Variants in KCNMA1 observed in about 807,000 individuals in gnomAD.
The protein encoded by KCNMA1 is Calcium-activated potassium channel subunit alpha-1.
Under a neutral mutation model 140.0 loss-of-function variants are expected in KCNMA1, and 29 were observed. The ratio of observed to expected loss-of-function variants is 0.21; its 90% confidence interval spans 0.15 to 0.28. The LOEUF (loss-of-function observed/expected upper bound fraction) is 0.28. Among genes scored for constraint, KCNMA1 ranks in the 10% least tolerant of loss-of-function variants. KCNMA1 has a pLI of 1.00. For missense variants in KCNMA1, 880 were observed against 1,602.2 expected, an observed-to-expected ratio of 0.55 and a Z score of 7.70; for synonymous variants, 612 against 611.9, an observed-to-expected ratio of 1.00 and a Z score of 0.00.
intron 2 of KCNMA1, among the ~76,000 whole-genome samples, chr10:77,323,449 T>C (rs1368931318): frequency 6.6e-6 from 1 of 152,228 alleles, no homozygotes; most frequent in Non-Finnish European, 1.5e-5. Flanking sequence ...AACTGTGCCC[T>C]TTCTATCCAT....
intron 5 of KCNMA1, among the ~76,000 whole-genome samples, chr10:77,165,399 T>G (rs2098629516): frequency 6.6e-6 from 1 of 152,220 alleles, no homozygotes; most frequent in African/African-American, 2.4e-5. Context: ...GAGAAACATA[T>G]CTATTCAGAA....
At position 77,142,770 on chromosome 10, in the gene KCNMA1, G is replaced by A. The variant is rs1300560767; in HGVS notation, c.809-21722C>T. Among the ~76,000 whole-genome samples, 6 of 152,244 alleles carry A rather than the reference G, an allele frequency of 3.9e-5. No individual in the cohort carries two copies. The East Asian group carries it at 1.2e-3, about 29-fold the overall frequency. ...CTACAGGTCCTACAAACACTAAGAG[G>A]ATAATTTTAAAGTATTAGGAATAAT... On this transcript the variant is annotated intron_variant, in intron 5 of 27. Coordinates refer to ENST00000286628, the MANE Select transcript of KCNMA1 (RefSeq NM_001161352.2).
At chr10:77,453,758 A>G (rs2097707098) in intron 1 of KCNMA1, among the ~76,000 whole-genome samples, 1 of 152,230 alleles carries the variant, frequency 6.6e-6, no homozygotes, top group Admixed American at 6.5e-5. Context: ...GACCCCCTTG[A>G]GTCTTTAGCT....
chr10:77,482,918 TCCTCCTTCCCTTTCTC>T (rs1192784936), intron 1 of KCNMA1, among the ~76,000 whole-genome samples: 1 of 150,054 alleles, frequency 6.7e-6, no homozygotes, highest in African/African-American at 2.5e-5. Context: ...TTCCCTCCTT[TCCTCCTTCCCTTTCTC>T]CCTCCTTCCC....
intron 5 of KCNMA1, among the ~76,000 whole-genome samples, chr10:77,122,975 G>A (rs922489974): frequency 2.6e-5 from 4 of 151,326 alleles, no homozygotes; most frequent in African/African-American, 4.9e-5. Flanking sequence ...TCAGGAGATC[G>A]AGACCATCCT....
chr10:76,890,847 C>T (rs147414272), intron 26 of KCNMA1, among the ~76,000 whole-genome samples: 4 of 152,246 alleles, frequency 2.6e-5, no homozygotes, highest in African/African-American at 9.6e-5. Context: ...CATGAGGGAA[C>T]GTGACTGGGT....
At chr10:77,276,608 C>A (rs1001225934) in intron 2 of KCNMA1, among the ~76,000 whole-genome samples, 2 of 152,108 alleles carry the variant, frequency 1.3e-5, no homozygotes, top group African/African-American at 2.4e-5. Flanking sequence ...GTACTCAATT[C>A]GAGATGTCTG....
At chr10:77,264,428 T>C (rs889277786) in intron 2 of KCNMA1, among the ~76,000 whole-genome samples, 1 of 152,096 alleles carries the variant, frequency 6.6e-6, no homozygotes, top group South Asian at 2.1e-4. Context: ...AGAGAAGAAA[T>C]GGAGTCTGTC....
chr10:76,942,001 T>C (rs1224400307), intron 23 of KCNMA1, among the ~76,000 whole-genome samples: 2 of 152,180 alleles, frequency 1.3e-5, no homozygotes, highest in African/African-American at 4.8e-5. Context: ...AGACAGAGTC[T>C]TGCTCTGTCA....
intron 23 of KCNMA1, among the ~76,000 whole-genome samples, chr10:76,930,780 C>T (rs1473320532): frequency 6.6e-6 from 1 of 151,788 alleles, no homozygotes; most frequent in Non-Finnish European, 1.5e-5. Context: ...TATGTACCTG[C>T]ACATATATAT....
At chr10:77,137,512 G>A (rs2098070235) in intron 5 of KCNMA1, among the ~76,000 whole-genome samples, 1 of 152,104 alleles carries the variant, frequency 6.6e-6, no homozygotes, top group Admixed American at 6.5e-5. Context: ...CTTCTTCAGG[G>A]TGGTCCCCTG....
chr10:77,411,307 A>G (rs1037727860), intron 1 of KCNMA1, among the ~76,000 whole-genome samples: 1 of 152,072 alleles, frequency 6.6e-6, no homozygotes, highest in African/African-American at 2.4e-5. Flanking sequence ...GGAGTGGGGG[A>G]AGGAGGAGAG....
At chr10:77,487,607 T>C (rs528872247) in intron 1 of KCNMA1, among the ~76,000 whole-genome samples, 45 of 152,356 alleles carry the variant, frequency 3.0e-4, no homozygotes, top group African/African-American at 1.1e-3. Flanking sequence ...TTGTTTGTCA[T>C]GGGCAATTCT....
intron 2 of KCNMA1, among the ~76,000 whole-genome samples, chr10:77,336,006 G>A (rs1401839026): frequency 6.6e-6 from 1 of 152,194 alleles, no homozygotes; most frequent in African/African-American, 2.4e-5. Context: ...TAGGTAAGAT[G>A]CAGGGACAGG....
chr10:77,023,595 C>T (rs1258684401), intron 16 of KCNMA1, among the ~76,000 whole-genome samples: 1 of 152,156 alleles, frequency 6.6e-6, no homozygotes, highest in Non-Finnish European at 1.5e-5. Context: ...TCTTTGATCA[C>T]ACAAGTTCAT....
At chr10:77,303,026 C>A (rs1199850882) in intron 2 of KCNMA1, among the ~76,000 whole-genome samples, 2 of 152,152 alleles carry the variant, frequency 1.3e-5, no homozygotes, top group African/African-American at 4.8e-5. Flanking sequence ...CCCATTCTAC[C>A]ACTTGCCAGC....
intron 14 of KCNMA1, among the ~76,000 whole-genome samples, chr10:77,063,360 C>T (rs979869060): frequency 1.3e-5 from 2 of 151,888 alleles, no homozygotes; most frequent in Non-Finnish European, 2.9e-5. Context: ...GGCTGGGTTG[C>T]TGGGGGAGAG....
intron 1 of KCNMA1, among the ~76,000 whole-genome samples, chr10:77,485,729 G>C (rs2098452477): frequency 6.6e-6 from 1 of 152,200 alleles, no homozygotes; most frequent in East Asian, 1.9e-4. Flanking sequence ...CAGGAGGAGA[G>C]GGAACTGGAT....
chr10:77,428,952 G>T (rs2097088407), intron 1 of KCNMA1, among the ~76,000 whole-genome samples: 1 of 152,170 alleles, frequency 6.6e-6, no homozygotes, highest in Admixed American at 6.5e-5. Flanking sequence ...GCCACTAGGG[G>T]TGGAAACAAG....
Sources: allele counts gnomAD v4.1 joint callset (sites outside exome capture counted in the v4.1 genomes callset), GRCh38; gene constraint gnomAD v4.1.1; transcripts MANE v1.5; gene names NCBI Gene and HGNC (gene_info 2026-07-23, HGNC 2026-07-21).